MITF: variants seen among roughly 807,000 people sequenced by gnomAD.
The protein encoded by MITF is microphthalmia-associated transcription factor.
In MITF, 17 loss-of-function variants were observed where a neutral mutation model predicts 60.5. That is an observed-to-expected ratio of 0.28 (90% CI 0.19 to 0.42). MITF has a LOEUF of 0.42. MITF is among the 10% of genes least tolerant of loss of function. MITF has a pLI of 1.00. For synonymous variants in MITF, 260 were observed against 248.5 expected (o/e 1.05, Z -0.43); for missense variants, 622 against 683.5 (o/e 0.91, Z 1.00).
At chr3:69,955,594 A>G (rs1234763082) in intron 7 of MITF, among the ~76,000 whole-genome samples, 1 of 151,970 alleles carries the variant, frequency 6.6e-6, no homozygotes, top group Admixed American at 6.6e-5. Context: ...CGGATAGATC[A>G]CTTGAGGTCA....
intron 1 of MITF, among the ~76,000 whole-genome samples, chr3:69,747,506 G>C (rs1703774523): frequency 6.6e-6 from 1 of 152,210 alleles, no homozygotes; most frequent in Non-Finnish European, 1.5e-5. Context: ...ATCTTGCAAG[G>C]CTTCTGTGAA....
At chr3:69,783,540 T>C (rs2062600423) in intron 1 of MITF, among the ~76,000 whole-genome samples, 1 of 150,924 alleles carries the variant, frequency 6.6e-6, no homozygotes, top group African/African-American at 2.4e-5. Flanking sequence ...ATTTCTCTTT[T>C]ATTAAATGCC....
At chr3:69,875,628 C>A (rs532417344) in intron 1 of MITF, among the ~76,000 whole-genome samples, 1 of 152,226 alleles carries the variant, frequency 6.6e-6, no homozygotes, top group Non-Finnish European at 1.5e-5. Flanking sequence ...TCATTAGTAG[C>A]TTCAGCATCA....
intron 1 of MITF, among the ~76,000 whole-genome samples, chr3:69,753,068 C>T (rs551857028): frequency 2.6e-5 from 4 of 152,346 alleles, no homozygotes; most frequent in Non-Finnish European, 4.4e-5. Flanking sequence ...ATCATGGGCC[C>T]AGAAGCCTAG....
intron 1 of MITF, among the ~76,000 whole-genome samples, chr3:69,771,815 A>T (rs2062398288): frequency 6.6e-6 from 1 of 152,214 alleles, no homozygotes; most frequent in Non-Finnish European, 1.5e-5. Context: ...CATGTTGATT[A>T]ACAGATGTGT....
At chr3:69,867,126 T>C (rs944955017) in intron 1 of MITF, among the ~76,000 whole-genome samples, 1 of 152,172 alleles carries the variant, frequency 6.6e-6, no homozygotes, top group African/African-American at 2.4e-5. Context: ...CCCAAGTGAA[T>C]AGGCATTCAA....
At chr3:69,895,852 G>A (rs1325137327) in intron 2 of MITF, among the ~76,000 whole-genome samples, 1 of 140,844 alleles carries the variant, frequency 7.1e-6, no homozygotes, top group Non-Finnish European at 1.6e-5. Context: ...GTGTGTGTAT[G>A]TGTGTGTTTT....
chr3:69,945,774 T>A (rs1299246270), intron 5 of MITF, among the ~76,000 whole-genome samples: 15 of 152,186 alleles, frequency 9.9e-5, no homozygotes, highest in Admixed American at 9.8e-4. Flanking sequence ...ACCCACTGGA[T>A]GCCAGCAGCA....
intron 1 of MITF, among the ~76,000 whole-genome samples, chr3:69,757,608 A>G (rs1361245062): frequency 6.6e-6 from 1 of 152,064 alleles, no homozygotes; most frequent in African/African-American, 2.4e-5. Context: ...TGGTGTTGAG[A>G]GTTAGGACAC....
At chr3:69,961,306 CG>C (rs2066538180) in intron 9 of MITF, among the ~76,000 whole-genome samples, 1 of 150,518 alleles carries the variant, frequency 6.6e-6, no homozygotes, top group African/African-American at 2.4e-5. Context: ...CACTTGAACC[CG>C]GGAGGCAGAG....
intron 1 of MITF, among the ~76,000 whole-genome samples, chr3:69,852,035 C>A (rs2107180618): frequency 6.6e-6 from 1 of 151,898 alleles, no homozygotes; most frequent in East Asian, 1.9e-4. Flanking sequence ...CATATACAAA[C>A]AATTTTAGGG....
intron 1 of MITF, among the ~76,000 whole-genome samples, chr3:69,755,802 G>C (rs1349804819): frequency 2.0e-5 from 3 of 152,092 alleles, no homozygotes; most frequent in African/African-American, 7.2e-5. Flanking sequence ...ATTCAATAAG[G>C]TGATGAGATG....
intron 1 of MITF, among the ~76,000 whole-genome samples, chr3:69,806,704 A>G (rs2063014762): frequency 6.6e-6 from 1 of 152,182 alleles, no homozygotes; most frequent in Non-Finnish European, 1.5e-5. Context: ...ATGAAAGACA[A>G]AAGTGTCAGA....
chr3:69,833,364 ATTTACACTGTATGTGGTTGTTTCCCTG>A (rs1255132045), intron 1 of MITF, among the ~76,000 whole-genome samples: 2 of 149,278 alleles, frequency 1.3e-5, no homozygotes, highest in African/African-American at 2.5e-5. Flanking sequence ...TTGTTTTTCT[ATTTACACTGTATGTGGTTGTTTCCCTG>A]TTTACACTGT....
intron 1 of MITF, among the ~76,000 whole-genome samples, chr3:69,864,210 G>A (rs2064069560): frequency 1.3e-5 from 2 of 152,184 alleles, no homozygotes; most frequent in African/African-American, 4.8e-5. Flanking sequence ...TTTGTACAAA[G>A]TCATAGAATT....
chr3:69,758,292 C>T (rs2062160673), intron 1 of MITF, among the ~76,000 whole-genome samples: 1 of 151,872 alleles, frequency 6.6e-6, no homozygotes, highest in Admixed American at 6.6e-5. Context: ...GCCTCAGCCT[C>T]TCAGGTAGCT....
intron 1 of MITF, among the ~76,000 whole-genome samples, chr3:69,822,390 A>G (rs1336940592): frequency 6.6e-6 from 1 of 152,222 alleles, no homozygotes; most frequent in Non-Finnish European, 1.5e-5. Context: ...ATGTAATCAG[A>G]TAAAAAGTTT....
intron 1 of MITF, among the ~76,000 whole-genome samples, chr3:69,866,614 A>G (rs868409706): frequency 6.6e-6 from 1 of 152,096 alleles, no homozygotes; most frequent in Admixed American, 6.6e-5. Flanking sequence ...AAAATTGAAT[A>G]CTGGTCTTAA....
intron 1 of MITF, among the ~76,000 whole-genome samples, chr3:69,834,388 C>T (rs2063505276): frequency 6.6e-6 from 1 of 152,080 alleles, no homozygotes; most frequent in Non-Finnish European, 1.5e-5. Flanking sequence ...GCTTGTTTTA[C>T]CCCTTAGATT....
Sources: gnomAD v4.1 joint callset for allele counts (sites outside exome capture counted in the v4.1 genomes callset) on GRCh38, gnomAD v4.1.1 for gene constraint, MANE v1.5 for transcripts, NCBI Gene and HGNC (gene_info 2026-07-23, HGNC 2026-07-21) for gene names.